Variants in GLIS3 observed in about 807,000 individuals in gnomAD.
The protein encoded by GLIS3 is zinc finger protein GLIS3.
GLIS3 carries 53 observed loss-of-function variants against 78.6 expected under a neutral mutation model. The observed-to-expected ratio is 0.67, with a 90% CI of 0.54 to 0.85. GLIS3 has a LOEUF of 0.85. Ranked by LOEUF, GLIS3 falls within the 40% of genes least tolerant of loss-of-function variation. The pLI, the probability that GLIS3 is intolerant of heterozygous loss-of-function variation, is 0.00. For missense variants in GLIS3, 1,703 were observed against 1,231.1 expected (o/e 1.38, Z -5.74); for synonymous variants, 684 against 509.9 (o/e 1.34, Z -4.60).
At chr9:4,304,024 C>T (rs1179541836), upstream of GLIS3, among the ~76,000 whole-genome samples, 2 of 152,188 alleles carry the variant, frequency 1.3e-5, no homozygotes, top group African/African-American at 4.8e-5. Context: ...CTTCATATGC[C>T]TTTCATGGCC....
At chr9:3,941,332 C>T (rs1360726196) in intron 4 of GLIS3, among the ~76,000 whole-genome samples, 2 of 152,024 alleles carry the variant, frequency 1.3e-5, no homozygotes, top group Admixed American at 6.5e-5. Context: ...ACTGGAGACT[C>T]TTTAAATTCC....
chr9:4,012,310 G>C (rs949595467), intron 4 of GLIS3, among the ~76,000 whole-genome samples: 1 of 152,140 alleles, frequency 6.6e-6, no homozygotes, highest in Non-Finnish European at 1.5e-5. Context: ...ATTTCTATTA[G>C]GTATTGGAAG....
intron 2 of GLIS3, among the ~76,000 whole-genome samples, chr9:4,335,445 T>C (rs532390946): frequency 5.2e-4 from 79 of 152,342 alleles, no homozygotes; most frequent in African/African-American, 1.9e-3. Context: ...GATCTGGTAA[T>C]GCTACTCCAT....
At chr9:4,173,982 C>T (rs1056158865) in intron 2 of GLIS3, among the ~76,000 whole-genome samples, 1 of 151,902 alleles carries the variant, frequency 6.6e-6, no homozygotes, top group Non-Finnish European at 1.5e-5. Flanking sequence ...CCGAAACACT[C>T]CCATTTGTTT....
At chr9:4,094,182 C>A (rs1214079340) in intron 4 of GLIS3, among the ~76,000 whole-genome samples, 2 of 152,058 alleles carry the variant, frequency 1.3e-5, no homozygotes, top group Non-Finnish European at 2.9e-5. Flanking sequence ...AAAGCAGGAA[C>A]GAGAGGAACT....
intron 2 of GLIS3, among the ~76,000 whole-genome samples, chr9:4,187,973 C>T (rs4529513): frequency 1 from 151,908 of 152,128 alleles, 75,844 homozygotes; most frequent in Middle Eastern, 1. Context: ...CTTTTCCTAA[C>T]TGAATACCCT....
chr9:4,293,104 A>G (rs538949958), intron 1 of GLIS3, among the ~76,000 whole-genome samples: 9 of 152,342 alleles, frequency 5.9e-5, no homozygotes, highest in South Asian at 2.1e-4. Context: ...AAGAGGGTAC[A>G]TAAGGAATAA....
intron 4 of GLIS3, among the ~76,000 whole-genome samples, chr9:4,073,039 T>C (rs1827742119): frequency 6.6e-6 from 1 of 151,340 alleles, no homozygotes; most frequent in Non-Finnish European, 1.5e-5. Flanking sequence ...AAAAAATTGG[T>C]CCCTTAAGTA....
chr9:4,022,071 A>C (rs1822931209), intron 4 of GLIS3, among the ~76,000 whole-genome samples: 1 of 152,056 alleles, frequency 6.6e-6, no homozygotes, highest in South Asian at 2.1e-4. Context: ...ACAGGTGGTG[A>C]CAACTTAATG....
the GLIS3 span, among the ~76,000 whole-genome samples, chr9:4,397,482 C>T: frequency 1.8e-3 from 270 of 151,704 alleles, 4 homozygotes; most frequent in African/African-American, 6.0e-3. Context: ...TGGGATGTGT[C>T]CCACTGCTTC....
chr9:4,152,274 A>C (rs1437173176), intron 2 of GLIS3: 2 of 190,930 alleles, frequency 1.0e-5, no homozygotes, highest in Admixed American at 1.3e-4. Context: ...TGTTCCTGGA[A>C]GAATACACGA....
At chr9:4,002,104 G>A (rs908812207) in intron 4 of GLIS3, among the ~76,000 whole-genome samples, 2 of 152,184 alleles carry the variant, frequency 1.3e-5, no homozygotes, top group Admixed American at 6.5e-5. Context: ...TTATTTGGGT[G>A]AGCCCAATTC....
chr9:4,261,508 C>T lies in GLIS3; in HGVS notation c.388+24530G>A, dbSNP rs567933064. Among the ~76,000 whole-genome samples, 22 of 152,176 alleles carry T rather than the reference C, an allele frequency of 1.4e-4. No homozygotes were observed. In the East Asian group the frequency reaches 1.5e-3, roughly 11 times the overall value. Reference sequence around the variant, plus strand: ...TCTCTATGGTAGAATAAAACCAGGCCTTTTTCTTACTGCTCAGAGTAATTC... The same window carrying T: ...TCTCTATGGTAGAATAAAACCAGGCTTTTTTCTTACTGCTCAGAGTAATTC... On this transcript the variant is annotated intron_variant, in intron 2 of 10. Coordinates refer to ENST00000381971, the MANE Select transcript of GLIS3 (RefSeq NM_001042413.2).
chr9:4,262,841 G>A (rs904523219), intron 2 of GLIS3, among the ~76,000 whole-genome samples: 1 of 149,886 alleles, frequency 6.7e-6, no homozygotes, highest in Non-Finnish European at 1.5e-5. Flanking sequence ...TCACCGAAAG[G>A]AATGTAGTGA....
At chr9:4,247,260 G>A (rs541412507) in intron 2 of GLIS3, among the ~76,000 whole-genome samples, 1 of 152,256 alleles carries the variant, frequency 6.6e-6, no homozygotes, top group East Asian at 1.9e-4. Context: ...GTTGTTTTAA[G>A]GGGATATAGC....
intron 2 of GLIS3, among the ~76,000 whole-genome samples, chr9:4,144,596 G>A (rs987855394): frequency 6.6e-6 from 1 of 152,164 alleles, no homozygotes; most frequent in African/African-American, 2.4e-5. Context: ...TTAATAAAAG[G>A]AAATAAAGCT....
chr9:4,475,642 A>G, the GLIS3 span, among the ~76,000 whole-genome samples: 1 of 152,238 alleles, frequency 6.6e-6, no homozygotes, highest in Non-Finnish European at 1.5e-5. Flanking sequence ...GGAAGATTTC[A>G]GTATTATGAT....
intron 2 of GLIS3, among the ~76,000 whole-genome samples, chr9:4,184,654 C>T (rs1817611141): frequency 6.6e-6 from 1 of 152,214 alleles, no homozygotes; most frequent in Non-Finnish European, 1.5e-5. Flanking sequence ...GTGAAGAGTT[C>T]CTACTGGGGG....
chr9:3,860,940 G>A (rs908286382), intron 8 of GLIS3, among the ~76,000 whole-genome samples: 6 of 152,302 alleles, frequency 3.9e-5, no homozygotes, highest in Non-Finnish European at 5.9e-5. Flanking sequence ...AATTTAGTAA[G>A]CAATGTATCT....
Sources: gnomAD v4.1 joint callset for allele counts (sites outside exome capture counted in the v4.1 genomes callset) on GRCh38, gnomAD v4.1.1 for gene constraint, MANE v1.5 for transcripts, NCBI Gene and HGNC (gene_info 2026-07-23, HGNC 2026-07-21) for gene names.